Variants in SLC12A1 observed in about 807,000 individuals in gnomAD.
SLC12A1 encodes the protein solute carrier family 12 member 1, also known as Na-K-2Cl cotransporter.
SLC12A1 carries 89 observed loss-of-function variants against 130.4 expected under a neutral mutation model. The ratio of observed to expected loss-of-function variants is 0.68; its 90% CI spans 0.58 to 0.81. The LOEUF is 0.81. SLC12A1 is among the 40% of genes least tolerant of loss of function. The pLI, the probability that SLC12A1 is intolerant of heterozygous loss-of-function variation, is 0.00. For synonymous variants in SLC12A1, 499 were observed against 460.0 expected, an observed-to-expected ratio of 1.08 and a Z score of -1.09; for missense variants, 1,310 against 1,336.4, an observed-to-expected ratio of 0.98 and a Z score of 0.31.
chr15:48,220,564 C>T, intron 2 of SLC12A1, 70 bp from the exon 3 acceptor site: 1 of 1,421,776 alleles, frequency 7.0e-7, no homozygotes, highest in East Asian at 2.4e-5. Context: ...TTTTGATTTG[C>T]TTTGAAAAGT....
At chr15:48,291,246 CCA>C (rs1787922675) in intron 23 of SLC12A1, among the ~76,000 whole-genome samples, 1 of 127,022 alleles carries the variant, frequency 7.9e-6, no homozygotes, top group Non-Finnish European at 1.6e-5. Context: ...CAGGAAAAAA[CCA>C]TATATATATA....
In SLC12A1 at chr15:48,255,843, T is replaced by A; in HGVS notation, c.1975T>A (p.Ser659Thr). The A allele has an allele frequency of 6.2e-7, 1 of 1,608,604 alleles. No individual in the cohort carries two copies. The highest frequency in any genetic ancestry group is 8.5e-7 in the Non-Finnish European group (1 of 1,177,480). ...VNWGSSTQAL[S>T]YVSALDNALE... is the part of the protein sequence containing the mutation. ...CTGGGGCTCCTCCACACAGGCTCTT[T>A]CCTACGTGAGTGCTTTAGACAATGC... Residue 659 changes from serine (S) to threonine (T), a missense_variant, in exon 16 of 27, where the codon TCC (serine) becomes ACC (threonine). Transcript: ENST00000380993.
At chr15:48,237,231 A>G (rs1805775386) in intron 9 of SLC12A1, 1 of 556,394 alleles carries the variant, frequency 1.8e-6, no homozygotes, top group African/African-American at 1.9e-5. Context: ...GACATTTGAA[A>G]CAGAAGGAAT....
At chr15:48,243,579 C>T (rs905756531) in intron 10 of SLC12A1, among the ~76,000 whole-genome samples, 2 of 151,782 alleles carry the variant, frequency 1.3e-5, no homozygotes, top group African/African-American at 4.9e-5. Flanking sequence ...TGCTTGAACG[C>T]AGGAGGCGGA....
intron 20 of SLC12A1, among the ~76,000 whole-genome samples, chr15:48,280,232 T>C (rs1210930723): frequency 6.6e-6 from 1 of 151,814 alleles, no homozygotes; most frequent in East Asian, 1.9e-4. Flanking sequence ...AAATTGAGTT[T>C]CAAAAAATAA....
chr15:48,212,512 G>A (rs1172849613), intron 2 of SLC12A1, among the ~76,000 whole-genome samples: 2 of 152,134 alleles, frequency 1.3e-5, no homozygotes, highest in Admixed American at 1.3e-4. Context: ...ATCTGGCAAA[G>A]ATTAATCTAG....
At chr15:48,220,384 A>G (rs1165569630) in intron 2 of SLC12A1, among the ~76,000 whole-genome samples, 3 of 152,114 alleles carry the variant, frequency 2.0e-5, no homozygotes, top group Non-Finnish European at 4.4e-5. Context: ...AAATATTCTC[A>G]CTAGTGGAAG....
chr15:48,224,298 T>C (rs765673859), intron 4 of SLC12A1: 2 of 152,158 alleles, frequency 1.3e-5, no homozygotes, highest in Non-Finnish European at 2.9e-5. Context: ...AGTTATCTTC[T>C]ACCCATCTTA....
rs750119347 is a variant in SLC12A1 at position 48,249,694 on chromosome 15, C to T, written c.1786+18C>T. 86 of 1,512,454 alleles carry T rather than the reference C, an allele frequency of 5.7e-5. No homozygotes were observed. The highest frequency in any genetic ancestry group is 7.7e-5 in the Non-Finnish European group (84 of 1,087,484). The allele number at this position is 1,512,454 out of a possible 1,614,324, so 93.7% of individuals were successfully genotyped here. On this transcript the variant is annotated intron_variant, in intron 14 of 26. Coordinates refer to ENST00000380993, the MANE Select transcript of SLC12A1 (RefSeq NM_000338.3). ...ATCTCCAGGTAAGCTGACTTCCAAA[C>T]TAAAATATGCCTAAGCAAACAGTTA...
At position 48,234,556 on chromosome 15, in the gene SLC12A1, C is replaced by A. The variant is rs184852839; in HGVS notation, c.1088-321C>A. Among the ~76,000 whole-genome samples the A allele has an allele frequency of 3.3e-3, 496 of 151,872 alleles. 3 individuals carry two copies. The highest frequency in any genetic ancestry group is 0.011 in the African/African-American group (476 of 41,420). On this transcript the variant is annotated intron_variant, in intron 8 of 26. Transcript: ENST00000380993. ...TCAGGAGTTTGAGACCAGCCTGGCCCACATGGTGAAACCCCATCTCTACTA... is the reference window on the plus strand; with the variant it reads ...TCAGGAGTTTGAGACCAGCCTGGCCAACATGGTGAAACCCCATCTCTACTA...
intron 9 of SLC12A1, among the ~76,000 whole-genome samples, chr15:48,237,921 T>C (rs3919927): frequency 6.6e-6 from 1 of 151,954 alleles, no homozygotes; most frequent in African/African-American, 2.4e-5. Flanking sequence ...AATTAGAAAA[T>C]ACCATAATAA....
rs1597456179 is a variant in SLC12A1, at chr15:48,288,129, C to T, written c.2716C>T (p.Gln906Ter). Residue 906 changes from glutamine (Q) to a stop codon, truncating the protein, a stop_gained, in exon 22 of 27, where the codon CAA (glutamine) becomes TAA (stop). Coordinates refer to ENST00000380993, the MANE Select transcript of SLC12A1 (RefSeq NM_000338.3). LOFTEE classifies it high-confidence loss of function. ...VEASTQFKKK[Q>*]EKGTIDVWWL... ...AGCCAGCACTCAATTTAAAAAGAAA[C>T]AAGAAAAAGGCACAATTGATGTTTG... 6.2e-7 allele frequency: 1 copy of T among 1,610,178 alleles called. No homozygotes were observed. Among genetic ancestry groups the T allele is most frequent in the South Asian group, 1.1e-5 (1 of 90,126 alleles).
chr15:48,299,620 T>C (rs1329628736), intron 25 of SLC12A1, among the ~76,000 whole-genome samples: 1 of 152,208 alleles, frequency 6.6e-6, no homozygotes, highest in Non-Finnish European at 1.5e-5. Flanking sequence ...TAAAGTTAGA[T>C]TGACTCACAA....
intron 19 of SLC12A1, among the ~76,000 whole-genome samples, chr15:48,271,391 T>A (rs2041897117): frequency 6.6e-6 from 1 of 152,162 alleles, no homozygotes; most frequent in South Asian, 2.1e-4. Flanking sequence ...ACAGGGTACA[T>A]GACATACCCT....
intron 2 of SLC12A1, 49 bp from the exon 3 acceptor site, chr15:48,220,585 C>T (rs1567305659): frequency 1.9e-6 from 3 of 1,554,316 alleles, no homozygotes; most frequent in South Asian, 1.3e-5. Context: ...TTCATGGAAC[C>T]CTTTGTTCAT....
intron 14 of SLC12A1, among the ~76,000 whole-genome samples, chr15:48,251,342 A>C (rs977088359): frequency 6.6e-6 from 1 of 151,724 alleles, no homozygotes; most frequent in African/African-American, 2.4e-5. Flanking sequence ...GTTTGGGAAG[A>C]CAGTCGGGAG....
At position 48,207,633 on chromosome 15, in the gene SLC12A1, C is replaced by T. The variant is rs897724856; in HGVS notation, c.-87C>T. The T allele has an allele frequency of 3.8e-5, 44 of 1,158,668 alleles. No homozygotes were observed. The highest frequency in any genetic ancestry group is 4.8e-5 in the Non-Finnish European group (41 of 848,492). 71.8% of individuals were successfully genotyped at this position (1,158,668 alleles called of 1,614,324 possible). ...AGCCAGGAGCTCCCTAATGGAAGCA[C>T]ATTAGTGTTTATTTTGATGAAGAAA... On this transcript the variant is annotated 5_prime_UTR_variant, in exon 2 of 27. Transcript: ENST00000380993.
At chr15:48,229,103 C>T in intron 5 of SLC12A1, 86 bp from the exon 6 acceptor site, 1 of 1,375,710 alleles carries the variant, frequency 7.3e-7, no homozygotes. Flanking sequence ...ATAATTCACA[C>T]TGTAAATGTT....
At chr15:48,224,900 C>G (rs2041264479) in intron 4 of SLC12A1, 1 of 152,154 alleles carries the variant, frequency 6.6e-6, no homozygotes, top group Admixed American at 6.5e-5. Context: ...ACCACTTTCT[C>G]CCTCTCTTTA....
Sources: gnomAD v4.1 joint callset for allele counts (sites outside exome capture counted in the v4.1 genomes callset) on GRCh38, gnomAD v4.1.1 for gene constraint, MANE v1.5 for transcripts, NCBI Gene and HGNC (gene_info 2026-07-23, HGNC 2026-07-21) for gene names.